The following SHPRH variants were observed in gnomAD, a reference collection of about 807,000 sequenced individuals.
The protein encoded by SHPRH is SNF2 histone linker PHD RING helicase.
SHPRH carries 106 observed loss-of-function variants against 202.5 expected under a neutral mutation model. The ratio of observed to expected loss-of-function variants is 0.52; its 90% CI spans 0.45 to 0.62. The LOEUF is 0.62. SHPRH is among the 20% of genes least tolerant of loss of function. The pLI is 0.00. For missense variants in SHPRH, 1,710 were observed against 2,020.0 expected, an observed-to-expected ratio of 0.85 and a Z score of 2.94; for synonymous variants, 729 against 686.0, an observed-to-expected ratio of 1.06 and a Z score of -0.98.
At chr6:145,925,302 T>C (rs1228938614) in intron 16 of SHPRH, among the ~76,000 whole-genome samples, 2 of 150,906 alleles carry the variant, frequency 1.3e-5, no homozygotes, top group African/African-American at 2.4e-5. Flanking sequence ...AAAATTCATA[T>C]GCTGAAGCCC....
At chr6:145,869,127 T>A (rs1779938034) in intron 2 of SHPRH, among the ~76,000 whole-genome samples, 1 of 152,230 alleles carries the variant, frequency 6.6e-6, no homozygotes, top group Non-Finnish European at 1.5e-5. Context: ...ATTTCCCCGA[T>A]GCATTCACCA....
rs1193391192 is a variant in SHPRH, at chr6:145,885,380, T to C, written c.*1311A>G. On this transcript the variant is annotated 3_prime_UTR_variant, in exon 30 of 30. Transcript: ENST00000275233. Reference sequence around the variant, plus strand: ...TCTTCAGTTGAATTACATCACTCTATAAACCTAGAGTAAGAAAATGCACCT... The same window carrying C: ...TCTTCAGTTGAATTACATCACTCTACAAACCTAGAGTAAGAAAATGCACCT... 1 of 152,526 alleles carries C rather than the reference T, an allele frequency of 6.6e-6. No homozygotes were observed. The highest frequency in any genetic ancestry group is 2.4e-5 in the African/African-American group (1 of 41,444). 9.4% of individuals were successfully genotyped at this position (152,526 alleles called of 1,614,324 possible). A position where few individuals can be genotyped will look rare whatever the true frequency, so the allele number is the denominator to read the frequency against.
downstream of SHPRH, among the ~76,000 whole-genome samples, chr6:145,880,873 T>C (rs542043004): frequency 5.3e-5 from 8 of 152,228 alleles, 1 homozygote; most frequent in South Asian, 1.7e-3. Context: ...ATTTCAAGCA[T>C]CCTAAAAGAG....
chr6:145,961,890 A>T (rs1404235397), intron 1 of SHPRH, among the ~76,000 whole-genome samples: 1 of 152,244 alleles, frequency 6.6e-6, no homozygotes, highest in East Asian at 1.9e-4. Context: ...AACCAAAGAA[A>T]ATAGTATTTG....
intron 24 of SHPRH, among the ~76,000 whole-genome samples, chr6:145,913,193 G>A (rs571593192): frequency 6.6e-6 from 1 of 152,124 alleles, no homozygotes; most frequent in African/African-American, 2.4e-5. Context: ...TCAAATTACT[G>A]GACACAACCT....
At chr6:145,905,375 A>C (rs1484174260) in intron 25 of SHPRH, 1 of 152,144 alleles carries the variant, frequency 6.6e-6, no homozygotes, top group Non-Finnish European at 1.5e-5. Flanking sequence ...CAAATGCCTC[A>C]GGGCTGCACC....
chr6:145,863,512 T>G (rs1201743597), downstream of SHPRH, among the ~76,000 whole-genome samples: 1 of 152,228 alleles, frequency 6.6e-6, no homozygotes, highest in Non-Finnish European at 1.5e-5. Context: ...TTTGTCATTT[T>G]GCAATAGCCC....
Position 145,919,249 on chromosome 6 carries a change from C to G in SHPRH, c.4152+99G>C, listed in dbSNP as rs189659932. On this transcript the variant is annotated intron_variant, in intron 22 of 29. Transcript: ENST00000275233. ...AAAATGGAGATTAAATACACACTTA[C>G]AGTAGAGCTCAGTGCCCTGATTCTG... The G allele has an allele frequency of 2.6e-5, 38 of 1,472,774 alleles. No individual in the cohort carries two copies. The Admixed American group carries it at 6.1e-4, about 24-fold the overall frequency. The allele number at this position is 1,472,774 out of a possible 1,614,324, so 91.2% of individuals were successfully genotyped here.
At chr6:145,918,617 C>T (rs1173162343) in intron 22 of SHPRH, 1 of 153,400 alleles carries the variant, frequency 6.5e-6, no homozygotes, top group Non-Finnish European at 1.4e-5. Context: ...TTTCTCTGCC[C>T]TTCTTTCCTC....
intron 23 of SHPRH, among the ~76,000 whole-genome samples, chr6:145,916,261 A>C (rs370034469): frequency 7.9e-5 from 12 of 152,098 alleles, no homozygotes; most frequent in African/African-American, 2.9e-4. Context: ...TGAGCATTCC[A>C]AATCCAAAAA....
chr6:145,895,542 T>TTC (rs1172835712), intron 25 of SHPRH, among the ~76,000 whole-genome samples: 1 of 151,748 alleles, frequency 6.6e-6, no homozygotes, highest in Admixed American at 6.6e-5. Context: ...TGTGTGTTTT[T>TTC]TTTTTTTTGC....
At chr6:145,860,679 C>A (rs1308568697), downstream of SHPRH, among the ~76,000 whole-genome samples, 1 of 151,856 alleles carries the variant, frequency 6.6e-6, no homozygotes, top group Non-Finnish European at 1.5e-5. Context: ...CAAAAGACTC[C>A]AAATAGCCAA....
At position 145,935,050 on chromosome 6, in the gene SHPRH, G is replaced by C; in HGVS notation, c.2847C>G (p.Leu949=). 1 of 1,613,932 alleles carries C rather than the reference G, an allele frequency of 6.2e-7. No individual in the cohort carries two copies. The highest frequency in any genetic ancestry group is 8.5e-7 in the Non-Finnish European group (1 of 1,180,000). The change falls in exon 13 of 30, where the codon CTC becomes CTG. Residue 949 remains leucine, a synonymous_variant. Coordinates refer to ENST00000275233, the MANE Select transcript of SHPRH (RefSeq NM_001042683.3). ...TCAGAGCCCAGTCAGAAATCTTCCT[G>C]AGTTTTACCACCACATCCTGGCAGC... ...EVCCQDVVVK[L]RKISDWALKL...
chr6:145,910,425 T>C (rs1783393369), intron 25 of SHPRH, 23 bp downstream of exon 25: 1 of 1,610,788 alleles, frequency 6.2e-7, no homozygotes, highest in Admixed American at 1.7e-5. Context: ...CCTATGCTTC[T>C]ATGTGTTCCT....
rs1787471912 is a variant in SHPRH at position 145,947,141 on chromosome 6, T to G, written c.1212+352A>C. Among the ~76,000 whole-genome samples the G allele has an allele frequency of 2.0e-5, 3 of 152,176 alleles. No homozygotes were observed. The South Asian group carries it at 6.2e-4, about 32-fold the overall frequency. Reference sequence around the variant, plus strand: ...TATATATGAGATTTGTATAACATTTTTAAATAGCTCTTAAAAATATTTAGT... The same window carrying G: ...TATATATGAGATTTGTATAACATTTGTAAATAGCTCTTAAAAATATTTAGT... On this transcript the variant is annotated intron_variant, in intron 6 of 29. Transcript: ENST00000275233.
At chr6:145,923,928 A>G in intron 17 of SHPRH, 143 bp from the exon 18 acceptor site, 1 of 723,094 alleles carries the variant, frequency 1.4e-6, no homozygotes, top group Non-Finnish European at 2.1e-6. Context: ...GGAGACGAGT[A>G]TACATATTCC....
intron 2 of SHPRH, among the ~76,000 whole-genome samples, chr6:145,867,582 C>G (rs886972610): frequency 8.5e-6 from 1 of 118,286 alleles, no homozygotes; most frequent in Admixed American, 9.6e-5. Flanking sequence ...CAGAGTCACA[C>G]GCTGTCTTCA....
chr6:145,871,440 T>C (rs893982267), intron 2 of SHPRH: 1 of 152,072 alleles, frequency 6.6e-6, no homozygotes, highest in African/African-American at 2.4e-5. Flanking sequence ...TGAGCTTTGA[T>C]TCACAATTGC....
At chr6:145,857,884 C>G in the SHPRH span, among the ~76,000 whole-genome samples, 32 of 152,074 alleles carry the variant, frequency 2.1e-4, no homozygotes, top group African/African-American at 7.5e-4. Flanking sequence ...AGAAATCAAT[C>G]AACACAATTA....
Sources: gnomAD v4.1 joint callset for allele counts (sites outside exome capture counted in the v4.1 genomes callset) on GRCh38, gnomAD v4.1.1 for gene constraint, MANE v1.5 for transcripts, NCBI Gene and HGNC (gene_info 2026-07-23, HGNC 2026-07-21) for gene names.